NFIA: variants seen among roughly 807,000 people sequenced by gnomAD.
NFIA encodes the protein nuclear factor 1 A-type.
Under a neutral mutation model 62.8 loss-of-function variants are expected in NFIA, and 8 were observed. That is an observed-to-expected ratio of 0.13 (90% CI 0.07 to 0.23). The LOEUF is 0.23. Ranked by LOEUF, NFIA falls within the 10% of genes least tolerant of loss-of-function variation. The pLI is 1.00. For missense variants in NFIA, 410 were observed against 642.1 expected (o/e 0.64, Z 3.91); for synonymous variants, 235 against 238.1 (o/e 0.99, Z 0.12).
chr1:61,096,085 C>T (rs1646406526), intron 2 of NFIA, among the ~76,000 whole-genome samples: 1 of 151,398 alleles, frequency 6.6e-6, no homozygotes, highest in African/African-American at 2.4e-5. Flanking sequence ...AAAATAAAGC[C>T]AAAATCATGT....
chr1:61,439,585 A>G (rs960316386), intron 10 of NFIA: 39 of 152,216 alleles, frequency 2.6e-4, no homozygotes, highest in African/African-American at 7.7e-4. Flanking sequence ...CTGATTGACA[A>G]CACGGAATGC....
chr1:61,455,384 G>T lies in NFIA; in HGVS notation c.*64G>T. 6.2e-7 allele frequency: 1 copy of T among 1,613,644 alleles called. No individual in the cohort carries two copies. Among genetic ancestry groups the T allele is most frequent in the Non-Finnish European group, 8.5e-7 (1 of 1,179,844 alleles). Reference sequence around the variant, plus strand: ...GACCCCTTCTCAACTCTGTAACATGGACGCAACCTCAACCCAGCGCAGTTA... The same window carrying T: ...GACCCCTTCTCAACTCTGTAACATGTACGCAACCTCAACCCAGCGCAGTTA... On this transcript the variant is annotated 3_prime_UTR_variant, in exon 11 of 11. Transcript: ENST00000403491.
intron 4 of NFIA, among the ~76,000 whole-genome samples, chr1:61,334,833 C>G (rs1367189782): frequency 6.6e-6 from 1 of 151,864 alleles, no homozygotes; most frequent in Non-Finnish European, 1.5e-5. Context: ...AAGGCCCACA[C>G]AGTACAGAAT....
At chr1:61,106,780 C>A (rs753480384) in intron 2 of NFIA, among the ~76,000 whole-genome samples, 37 of 151,496 alleles carry the variant, frequency 2.4e-4, no homozygotes, top group Non-Finnish European at 4.7e-4. Context: ...CCTGTGTGTT[C>A]TTTTCCTCTC....
chr1:61,189,933 G>A (rs956951375), intron 2 of NFIA, among the ~76,000 whole-genome samples: 6 of 152,144 alleles, frequency 3.9e-5, no homozygotes, highest in African/African-American at 1.4e-4. Context: ...CACATTTACA[G>A]TCTTAGGATA....
rs1668454882 is a variant in NFIA at position 61,459,676 on chromosome 1, G to A, written c.*4356G>A. ...AGCCACGGTGTTCAGTCAGCCCACA[G>A]GAATATGCAAGACCCATCTCCAAAA... On this transcript the variant is annotated 3_prime_UTR_variant, in exon 11 of 11. Coordinates refer to ENST00000403491, the MANE Select transcript of NFIA (RefSeq NM_001134673.4). 6.6e-6 allele frequency: 1 copy of A among 152,282 alleles called. No homozygotes were observed. Among genetic ancestry groups the A allele is most frequent in the Non-Finnish European group, 1.5e-5 (1 of 68,120 alleles). 9.4% of individuals were successfully genotyped at this position (152,282 alleles called of 1,614,324 possible).
At chr1:61,225,054 G>A (rs960080892) in intron 2 of NFIA, among the ~76,000 whole-genome samples, 4 of 152,066 alleles carry the variant, frequency 2.6e-5, no homozygotes, top group African/African-American at 9.6e-5. Context: ...CCAGATTCAT[G>A]ACATAGGAAT....
At chr1:61,322,388 G>A (rs1163430542) in intron 3 of NFIA, among the ~76,000 whole-genome samples, 3 of 152,144 alleles carry the variant, frequency 2.0e-5, no homozygotes, top group African/African-American at 7.2e-5. Context: ...CAGATGAGCA[G>A]CCTAAGTTGG....
chr1:61,325,293 G>A (rs935995747), intron 3 of NFIA, among the ~76,000 whole-genome samples: 1 of 152,116 alleles, frequency 6.6e-6, no homozygotes, highest in Non-Finnish European at 1.5e-5. Context: ...CAGTAAAGTG[G>A]AACAATCAGA....
intron 10 of NFIA, among the ~76,000 whole-genome samples, chr1:61,448,426 T>C (rs2100584878): frequency 6.6e-6 from 1 of 152,316 alleles, no homozygotes; most frequent in South Asian, 2.1e-4. Context: ...GTGATTTGCT[T>C]TCCTGGGGAC....
intron 10 of NFIA, among the ~76,000 whole-genome samples, chr1:61,432,624 C>CATATAT (rs1557434287): frequency 0.019 from 686 of 35,624 alleles, 5 homozygotes; most frequent in African/African-American, 0.12. Context: ...CACACACACA[C>CATATAT]GTACACACAT....
At position 61,188,343 on chromosome 1, in the gene NFIA, A is replaced by G. The variant is rs562235977; in HGVS notation, c.560-89177A>G. 8.5e-5 allele frequency among the ~76,000 whole-genome samples: 13 copies of G among 152,304 alleles called. No individual in the cohort carries two copies. In the East Asian group the frequency reaches 2.1e-3, roughly 25 times the overall value. On this transcript the variant is annotated intron_variant, in intron 2 of 10. Transcript: ENST00000403491. ...AAGCACACAGAGTTACAACATAGCA[A>G]TAGCCCCTCCGAGCTCAACAAAAAC...
At chr1:61,173,841 C>T (rs1334069855) in intron 2 of NFIA, among the ~76,000 whole-genome samples, 4 of 152,254 alleles carry the variant, frequency 2.6e-5, no homozygotes, top group Admixed American at 1.3e-4. Context: ...GAAGTGGTGG[C>T]TTTTCTCAGC....
chr1:61,228,684 A>AT (rs896847015), intron 2 of NFIA, among the ~76,000 whole-genome samples: 43 of 149,754 alleles, frequency 2.9e-4, no homozygotes, highest in Non-Finnish European at 4.0e-4. Flanking sequence ...GGCTTTCTGT[A>AT]TTTTTTAAAA....
At chr1:61,126,777 CTTTTTTTTTTT>C (rs56255004) in intron 2 of NFIA, among the ~76,000 whole-genome samples, 2 of 87,330 alleles carry the variant, frequency 2.3e-5, no homozygotes, top group African/African-American at 4.3e-5. Flanking sequence ...TGTCAGATTC[CTTTTTTTTTTT>C]TTTTTTTTTT....
chr1:61,159,339 A>G (rs985627497), intron 2 of NFIA, among the ~76,000 whole-genome samples: 1 of 152,144 alleles, frequency 6.6e-6, no homozygotes, highest in Non-Finnish European at 1.5e-5. Flanking sequence ...GAATTAGATG[A>G]CCTGGTTTCT....
intron 4 of NFIA, among the ~76,000 whole-genome samples, chr1:61,341,121 T>C (rs1661882362): frequency 7.0e-6 from 1 of 142,774 alleles, no homozygotes; most frequent in South Asian, 2.2e-4. Context: ...TGGAGTGCAG[T>C]GGCGTGATCT....
At chr1:61,392,612 A>G (rs575365456) in intron 7 of NFIA, among the ~76,000 whole-genome samples, 179 of 152,202 alleles carry the variant, frequency 1.2e-3, no homozygotes, top group African/African-American at 4.1e-3. Context: ...GCTCTATTAC[A>G]CTAATAATTT....
chr1:61,258,941 G>A (rs1401329533), intron 2 of NFIA, among the ~76,000 whole-genome samples: 2 of 151,854 alleles, frequency 1.3e-5, no homozygotes, highest in African/African-American at 4.8e-5. Flanking sequence ...GGCTGGTCTC[G>A]AACTCCTGAG....
Sources: allele counts gnomAD v4.1 joint callset (sites outside exome capture counted in the v4.1 genomes callset), GRCh38; gene constraint gnomAD v4.1.1; transcripts MANE v1.5; gene names NCBI Gene and HGNC (gene_info 2026-07-23, HGNC 2026-07-21).